Variants in PSEN2 observed in about 807,000 individuals in gnomAD.
PSEN2 encodes the protein presenilin 2, also known as presenilin-2.
PSEN2 carries 32 observed loss-of-function variants against 49.1 expected under a neutral mutation model. That is an observed-to-expected ratio of 0.65 (90% CI 0.49 to 0.88). The LOEUF (loss-of-function observed/expected upper bound fraction) is 0.88, where lower values mean the gene tolerates loss of function less well. Among genes scored for constraint, PSEN2 ranks in the 40% least tolerant of loss-of-function variants. The pLI, the probability that PSEN2 is intolerant of heterozygous loss-of-function variation, is 0.00. For missense variants in PSEN2, 522 were observed against 586.9 expected (o/e 0.89, Z 1.14); for synonymous variants, 255 against 244.0 (o/e 1.05, Z -0.42).
At chr1:226,880,377 A>C in intron 3 of PSEN2, 1 of 629,484 alleles carries the variant, frequency 1.6e-6, no homozygotes, top group Non-Finnish European at 2.4e-6. Context: ...CCCTGTCTCT[A>C]GAAATAAAAA....
chr1:226,882,101 A>G (rs1016252933), intron 4 of PSEN2, 53 bp downstream of exon 4: 278 of 1,603,506 alleles, frequency 1.7e-4, no homozygotes, highest in Non-Finnish European at 2.3e-4. Context: ...CGGCTACTGT[A>G]CCTTACAGAT....
chr1:226,874,587 G>A (rs1660510432), intron 2 of PSEN2, among the ~76,000 whole-genome samples: 1 of 152,206 alleles, frequency 6.6e-6, no homozygotes, highest in Non-Finnish European at 1.5e-5. Flanking sequence ...CAGCAGATCC[G>A]TAACTTTCCA....
downstream of PSEN2, among the ~76,000 whole-genome samples, chr1:226,900,639 G>A (rs748046606): frequency 7.9e-5 from 12 of 152,150 alleles, no homozygotes; most frequent in Admixed American, 1.3e-4. Context: ...GGAAGGGTCC[G>A]GTCTGAGTGA....
chr1:226,885,711 T>G, intron 6 of PSEN2, 32 bp downstream of exon 6: 4 of 1,601,680 alleles, frequency 2.5e-6, no homozygotes, highest in South Asian at 1.1e-5. Context: ...CCAGCCACGC[T>G]TCTCTCCGTC....
intron 12 of PSEN2, among the ~76,000 whole-genome samples, chr1:226,894,374 C>T (rs571083625): frequency 3.4e-4 from 51 of 152,204 alleles, no homozygotes; most frequent in Non-Finnish European, 5.3e-4. Context: ...CCGGCCCCAG[C>T]GTGGCTGAGC....
At chr1:226,887,312 C>T (rs913537352) in intron 6 of PSEN2, among the ~76,000 whole-genome samples, 7 of 152,136 alleles carry the variant, frequency 4.6e-5, no homozygotes, top group Non-Finnish European at 1.0e-4. Flanking sequence ...GCTGTGTGTG[C>T]AGCAGGGCCG....
chr1:226,876,173 G>C (rs922825506), intron 3 of PSEN2, among the ~76,000 whole-genome samples: 11 of 152,134 alleles, frequency 7.2e-5, no homozygotes, highest in Non-Finnish European at 1.3e-4. Flanking sequence ...ACACCTAGCA[G>C]TGTTGTTTAT....
chr1:226,888,431 G>T (rs560432627), intron 7 of PSEN2, among the ~76,000 whole-genome samples: 1 of 152,284 alleles, frequency 6.6e-6, no homozygotes, highest in South Asian at 2.1e-4. Flanking sequence ...AACCCCAGGG[G>T]GATAGAAACC....
At chr1:226,876,810 T>C (rs1380219756) in intron 3 of PSEN2, among the ~76,000 whole-genome samples, 1 of 152,142 alleles carries the variant, frequency 6.6e-6, no homozygotes, top group Non-Finnish European at 1.5e-5. Flanking sequence ...GTATGCTGTG[T>C]TTAAAGTGTT....
downstream of PSEN2, chr1:226,899,687 C>G (rs1229046549): frequency 1.3e-5 from 2 of 152,250 alleles, no homozygotes; most frequent in Non-Finnish European, 2.9e-5. Flanking sequence ...GGGCTAGAAT[C>G]CTTTCACAGG....
chr1:226,886,517 C>T (rs559871614), intron 6 of PSEN2, among the ~76,000 whole-genome samples: 22 of 152,244 alleles, frequency 1.4e-4, no homozygotes, highest in African/African-American at 4.6e-4. Context: ...TTTTAGACAG[C>T]GGCTTCAGGC....
In PSEN2 at chr1:226,885,661, C is replaced by A; in HGVS notation, c.480C>A (p.Tyr160Ter). 1 of 1,609,434 alleles carries A rather than the reference C, an allele frequency of 6.2e-7. No homozygotes were observed. Residue 160 changes from tyrosine (Y) to a stop codon, truncating the protein, a stop_gained, in exon 6 of 13, where the codon TAC becomes TAA. Transcript: ENST00000366783. LOFTEE classifies it high-confidence loss of function. Reference sequence around the variant, plus strand: ...TGACCATCTTCTTGGTGGTGCTCTACAAGTACCGCTGCTACAAGGTGAGGC... The same window carrying A: ...TGACCATCTTCTTGGTGGTGCTCTAAAAGTACCGCTGCTACAAGGTGAGGC... ...VVMTIFLVVL[Y>*]KYRCYKFIHG... is the part of the protein sequence containing the mutation.
At chr1:226,877,727 T>C (rs1051056049) in intron 3 of PSEN2, among the ~76,000 whole-genome samples, 35 of 152,244 alleles carry the variant, frequency 2.3e-4, no homozygotes, top group African/African-American at 8.4e-4. Context: ...GAAAGTGGAA[T>C]GAGGGAAGCA....
chr1:226,894,174 G>T (rs1008797773), intron 12 of PSEN2, 49 bp downstream of exon 12: 1 of 1,400,822 alleles, frequency 7.1e-7, no homozygotes. Context: ...GGGCCCCCAG[G>T]GTCCTCATTG....
chr1:226,885,503 G>A (rs1661296539), intron 5 of PSEN2, 35 bp from the exon 6 acceptor site: 1 of 1,611,186 alleles, frequency 6.2e-7, no homozygotes, highest in African/African-American at 1.3e-5. Context: ...GAGCAGTCAG[G>A]GCCGGGAGCA....
intron 5 of PSEN2, chr1:226,884,788 C>T (rs1168079847): frequency 1.3e-5 from 2 of 152,108 alleles, no homozygotes; most frequent in African/African-American, 4.8e-5. Flanking sequence ...GTGGTACATG[C>T]CTGTAGTCTC....
rs202176021 is a variant in PSEN2 at position 226,888,832 on chromosome 1, A to C, written c.570A>C (p.Glu190Asp). Reference protein sequence around the residue: ...LFLFTYIYLGEVLKTYNVAMD... With the variant: ...LFLFTYIYLGDVLKTYNVAMD... ...AGGCTCCACCTTGGTCCTGCAGGGAAGTGCTCAAGACCTACAATGTGGCCA... is the reference window on the plus strand; with the variant it reads ...AGGCTCCACCTTGGTCCTGCAGGGACGTGCTCAAGACCTACAATGTGGCCA... Residue 190 changes from glutamate to aspartate, a missense_variant, in exon 8 of 13, where the codon GAA becomes GAC. By Grantham distance (45) the Glu-to-Asp change is conservative. Transcript: ENST00000366783. The C allele has an allele frequency of 2.5e-6, 4 of 1,614,020 alleles. No homozygotes were observed. Among genetic ancestry groups the C allele is most frequent in the Non-Finnish European group, 3.4e-6 (4 of 1,179,864 alleles).
At chr1:226,880,599 CACTCAGCCTCTGGACAGCGATA>C (rs765888598) in intron 3 of PSEN2, 331 of 1,593,146 alleles carry the variant, frequency 2.1e-4, no homozygotes, top group Non-Finnish European at 1.6e-4. Flanking sequence ...GGACAGCGAT[CACTCAGCCTCTGGACAGCGATA>C]ACTCAGCCTC....
intron 9 of PSEN2, chr1:226,890,946 C>T (rs528617607): frequency 1.1e-4 from 41 of 367,418 alleles, no homozygotes; most frequent in Non-Finnish European, 1.9e-4. Context: ...CGAGGATGAG[C>T]GGAGACCATG....
Sources: allele counts gnomAD v4.1 joint callset (sites outside exome capture counted in the v4.1 genomes callset), GRCh38; gene constraint gnomAD v4.1.1; transcripts MANE v1.5; gene names NCBI Gene and HGNC (gene_info 2026-07-23, HGNC 2026-07-21).